CDC42BPB: variants seen among roughly 807,000 people sequenced by gnomAD.
CDC42BPB encodes CDC42 binding protein kinase beta, also known as serine/threonine-protein kinase MRCK beta.
Under a neutral mutation model 214.9 loss-of-function variants are expected in CDC42BPB, and 37 were observed. That is an observed-to-expected ratio of 0.17 (90% CI 0.13 to 0.23). The LOEUF (loss-of-function observed/expected upper bound fraction) is 0.23. CDC42BPB is among the 10% of genes least tolerant of loss of function. CDC42BPB has a pLI of 1.00. For missense variants in CDC42BPB, 1,694 were observed against 2,227.0 expected (o/e 0.76, Z 4.82); for synonymous variants, 931 against 884.0 (o/e 1.05, Z -0.94).
chr14:102,938,460 G>C, intron 34 of CDC42BPB, 49 bp from the exon 35 acceptor site: 1 of 1,504,576 alleles, frequency 6.6e-7, no homozygotes, highest in African/African-American at 1.4e-5. Flanking sequence ...CACCCGGCAG[G>C]GCCGGCTGCG....
intron 5 of CDC42BPB, among the ~76,000 whole-genome samples, chr14:102,993,605 C>T (rs1378449271): frequency 6.6e-6 from 1 of 151,998 alleles, no homozygotes; most frequent in Non-Finnish European, 1.5e-5. Flanking sequence ...AGAAGCAGAC[C>T]CAGCCCTTCC....
chr14:103,016,223 G>A (rs991974193), intron 1 of CDC42BPB, among the ~76,000 whole-genome samples: 3 of 152,226 alleles, frequency 2.0e-5, no homozygotes, highest in East Asian at 1.9e-4. Flanking sequence ...TTCTGCTGGC[G>A]TGGGGAAAAC....
In CDC42BPB at chr14:102,967,706, A is replaced by G. The variant is rs915096030; in HGVS notation, c.2347-536T>C. 1.2e-4 allele frequency among the ~76,000 whole-genome samples: 19 copies of G among 152,368 alleles called. No individual in the cohort carries two copies. The East Asian group carries it at 2.9e-3, about 23-fold the overall frequency. On this transcript the variant is annotated intron_variant, in intron 16 of 36. Coordinates refer to ENST00000361246, the MANE Select transcript of CDC42BPB (RefSeq NM_006035.4). Reference sequence around the variant, plus strand: ...TATCTCAACACAGAAGAGGTAGAGTAAAGTACAGTATTATGATCGTACGGG... The same window carrying G: ...TATCTCAACACAGAAGAGGTAGAGTGAAGTACAGTATTATGATCGTACGGG...
chr14:102,985,787 C>T (rs920506536), intron 6 of CDC42BPB, among the ~76,000 whole-genome samples: 4 of 152,246 alleles, frequency 2.6e-5, no homozygotes, highest in East Asian at 1.9e-4. Context: ...AACAAAACTG[C>T]AACAGTGGCC....
intron 25 of CDC42BPB, 123 bp from the exon 26 acceptor site, chr14:102,950,027 G>C: frequency 6.6e-7 from 1 of 1,511,282 alleles, no homozygotes; most frequent in East Asian, 2.3e-5. Context: ...TGGACAGAGG[G>C]ATGTTTGCCC....
chr14:103,057,087 C>T lies in CDC42BPB; in HGVS notation c.87G>A (p.Thr29=). 14 of 1,525,398 alleles carry T rather than the reference C, an allele frequency of 9.2e-6. No homozygotes were observed. The highest frequency in any genetic ancestry group is 1.2e-5 in the Non-Finnish European group (14 of 1,141,228). The allele number at this position is 1,525,398 out of a possible 1,614,324, so 94.5% of individuals were successfully genotyped here. Residue 29 remains threonine (T), a synonymous_variant, in exon 1 of 37, where the codon ACG becomes ACA. Transcript: ENST00000361246. ...WRNESALSVE[T]LLDVLVCLYT... is the part of the protein sequence containing the mutation. Reference sequence around the variant, plus strand: ...ACAGGCAGACGAGCACGTCGAGCAGCGTTTCCACGCTCAGGGCGCTCTCGT... The same window carrying T: ...ACAGGCAGACGAGCACGTCGAGCAGTGTTTCCACGCTCAGGGCGCTCTCGT...
Position 102,980,864 on chromosome 14 carries a change from A to G in CDC42BPB, c.1049T>C (p.Ile350Thr). Residue 350 changes from isoleucine (I) to threonine (T), a missense_variant, in exon 8 of 37, where the codon ATA (isoleucine) becomes ACA (threonine). This residue lies in a region of CDC42BPB where 225 missense variants were observed against 459.3 expected (regional missense o/e 0.49). Coordinates refer to ENST00000361246, the MANE Select transcript of CDC42BPB (RefSeq NM_006035.4). Reference protein sequence around the residue: ...AFFEGLNWENIRNLEAPYIPD... With the variant: ...AFFEGLNWENTRNLEAPYIPD... Reference sequence around the variant, plus strand: ...AATATAAGGTGCTTCTAGGTTTCGTATATTTTCCCAATTTAGACCTTCAAA... The same window carrying G: ...AATATAAGGTGCTTCTAGGTTTCGTGTATTTTCCCAATTTAGACCTTCAAA... 6.2e-7 allele frequency: 1 copy of G among 1,614,216 alleles called. No homozygotes were observed. Among genetic ancestry groups the G allele is most frequent in the Non-Finnish European group, 8.5e-7 (1 of 1,180,038 alleles).
chr14:102,933,971 A>C, intron 36 of CDC42BPB, 128 bp from the exon 37 acceptor site: 1 of 1,406,162 alleles, frequency 7.1e-7, no homozygotes, highest in Non-Finnish European at 9.2e-7. Flanking sequence ...CATGTTATGA[A>C]AACACACACG....
chr14:103,036,134 AAAAAT>A (rs941193763), intron 1 of CDC42BPB, among the ~76,000 whole-genome samples: 2 of 151,828 alleles, frequency 1.3e-5, no homozygotes, highest in East Asian at 1.9e-4. Context: ...CTCAAAAAAT[AAAAAT>A]AAAATAAAAT....
intron 18 of CDC42BPB, 198 bp from the exon 19 acceptor site, chr14:102,964,848 A>G: frequency 2.8e-6 from 2 of 706,734 alleles, no homozygotes; most frequent in Non-Finnish European, 3.5e-6. Context: ...GAAATCTTCT[A>G]AAAAATAACT....
intron 20 of CDC42BPB, among the ~76,000 whole-genome samples, chr14:102,961,162 G>GAATCAATCAATCAATC (rs34666495): frequency 6.7e-6 from 1 of 149,528 alleles, no homozygotes; most frequent in African/African-American, 2.5e-5. Context: ...GCAAGACCCT[G>GAATCAATCAATCAATC]AATCAATCAA....
intron 36 of CDC42BPB, among the ~76,000 whole-genome samples, chr14:102,937,405 G>A (rs938272642): frequency 6.6e-6 from 1 of 152,266 alleles, no homozygotes; most frequent in Non-Finnish European, 1.5e-5. Context: ...ACATGTGCAA[G>A]GCATCTGCCC....
intron 36 of CDC42BPB, among the ~76,000 whole-genome samples, chr14:102,935,619 G>A (rs529812137): frequency 1.8e-4 from 27 of 152,068 alleles, no homozygotes; most frequent in East Asian, 5.8e-4. Flanking sequence ...GTGAAACCCC[G>A]CCTCTACTAA....
chr14:103,025,503 C>T (rs1420195112), intron 1 of CDC42BPB, among the ~76,000 whole-genome samples: 4 of 142,514 alleles, frequency 2.8e-5, no homozygotes, highest in Admixed American at 7.2e-5. Flanking sequence ...AACTAGTACA[C>T]ATTAAAAAAA....
chr14:103,002,126 G>A (rs987009602), intron 4 of CDC42BPB, among the ~76,000 whole-genome samples: 1 of 152,130 alleles, frequency 6.6e-6, no homozygotes, highest in South Asian at 2.1e-4. Flanking sequence ...AGGAACCCAC[G>A]TTTCCATATC....
chr14:102,966,570 T>C, intron 17 of CDC42BPB, 183 bp from the exon 18 acceptor site: 7 of 959,520 alleles, frequency 7.3e-6, no homozygotes, highest in Non-Finnish European at 8.7e-6. Flanking sequence ...ACATTGCACA[T>C]GACTGCAGTT....
intron 3 of CDC42BPB, among the ~76,000 whole-genome samples, chr14:103,006,033 A>C (rs560612211): frequency 6.6e-6 from 1 of 152,032 alleles, no homozygotes; most frequent in African/African-American, 2.4e-5. Flanking sequence ...AAAAAAAAAA[A>C]AAGATGGCTG....
At chr14:102,956,390 T>TA in intron 21 of CDC42BPB, 1 of 955,914 alleles carries the variant, frequency 1.0e-6, no homozygotes, top group Non-Finnish European at 1.2e-6. Context: ...CTGTTTCTAG[T>TA]AAAAACCAAC....
chr14:102,942,293 G>T (rs1431717654), intron 30 of CDC42BPB, among the ~76,000 whole-genome samples: 1 of 152,216 alleles, frequency 6.6e-6, no homozygotes, highest in African/African-American at 2.4e-5. Flanking sequence ...TAAGCCCGTG[G>T]GTGGAGCTGG....
Sources: allele counts gnomAD v4.1 joint callset (sites outside exome capture counted in the v4.1 genomes callset), GRCh38; gene constraint gnomAD v4.1.1; regional missense constraint gnomAD v4.1.1; transcripts MANE v1.5; gene names NCBI Gene and HGNC (gene_info 2026-07-23, HGNC 2026-07-21).